The following DDX31 variants were observed in gnomAD, a reference collection of about 807,000 sequenced individuals.
DDX31 encodes DEAD-box helicase 31, also known as ATP-dependent DNA helicase DDX31.
A neutral mutation model predicts 91.3 loss-of-function variants in DDX31; 70 were observed. The ratio of observed to expected loss-of-function variants is 0.77; its 90% CI spans 0.63 to 0.94. The LOEUF (loss-of-function observed/expected upper bound fraction) is 0.94, where lower values mean the gene tolerates loss of function less well. Ranked by LOEUF, DDX31 falls within the 40% of genes least tolerant of loss-of-function variation. The probability of loss-of-function intolerance (pLI) is 0.00; values close to 1 mark genes in which losing one functional copy is unlikely to be tolerated. For synonymous variants in DDX31, 362 were observed against 350.6 expected (o/e 1.03, Z -0.36); for missense variants, 902 against 925.0 (o/e 0.98, Z 0.32).
At chr9:132,661,388 C>G in intron 3 of DDX31, 137 bp from the exon 4 acceptor site, 1 of 771,632 alleles carries the variant, frequency 1.3e-6, no homozygotes, top group Non-Finnish European at 2.0e-6. Context: ...AGGTGGTGCT[C>G]TCTACTTGGG....
At chr9:132,632,473 T>C (rs1026649283) in intron 14 of DDX31, among the ~76,000 whole-genome samples, 1 of 152,148 alleles carries the variant, frequency 6.6e-6, no homozygotes, top group Non-Finnish European at 1.5e-5. Flanking sequence ...AGTTGTGTAA[T>C]GTAAAGAACT....
intron 6 of DDX31, among the ~76,000 whole-genome samples, chr9:132,652,762 C>G (rs972436429): frequency 6.6e-6 from 1 of 152,096 alleles, no homozygotes; most frequent in Admixed American, 6.5e-5. Context: ...CGGTTATTCT[C>G]GTGATAATGA....
chr9:132,647,185 C>CAAGTCCCAGCACT, intron 11 of DDX31, 127 bp from the exon 12 acceptor site: 1 of 808,552 alleles, frequency 1.2e-6, no homozygotes, highest in South Asian at 1.6e-5. Flanking sequence ...TGGGTATCAC[C>CAAGTCCCAGCACT]AAGTCCCAGC....
At chr9:132,630,904 GGAGCA>G (rs1832677900) in intron 15 of DDX31, among the ~76,000 whole-genome samples, 2 of 152,196 alleles carry the variant, frequency 1.3e-5, no homozygotes, top group South Asian at 4.1e-4. Flanking sequence ...CAGGCCACCA[GGAGCA>G]GGCCCCAGGA....
chr9:132,643,541 A>G (rs1833631980), intron 13 of DDX31, among the ~76,000 whole-genome samples: 1 of 152,200 alleles, frequency 6.6e-6, no homozygotes, highest in Admixed American at 6.5e-5. Flanking sequence ...ACAAACATTC[A>G]TCGAGTGCCC....
At chr9:132,633,334 G>A (rs796250775) in intron 14 of DDX31, among the ~76,000 whole-genome samples, 7 of 152,068 alleles carry the variant, frequency 4.6e-5, no homozygotes, top group Non-Finnish European at 1.0e-4. Context: ...ATTTGCTCTT[G>A]ACCCAGAGCA....
chr9:132,632,243 C>CGT (rs1832797876), intron 14 of DDX31, 152 bp from the exon 15 acceptor site: 1 of 209,822 alleles, frequency 4.8e-6, no homozygotes, highest in African/African-American at 9.8e-5. Context: ...AGTACGTGTA[C>CGT]ACACACACAC....
rs566254097 is a variant in DDX31 at position 132,610,563 on chromosome 9, T to C, written c.1994+1524A>G. On this transcript the variant is annotated intron_variant, in intron 19 of 19. Transcript: ENST00000372159. ...TCAAGTTGGATGTCCCCGAATCTGC[T>C]TTTTAGCTTGTAAGAACCTTCATCT... is the stretch of plus-strand genomic sequence containing the variant. Among the ~76,000 whole-genome samples, 19 of 152,252 alleles carry C rather than the reference T, an allele frequency of 1.2e-4. 1 individual carries two copies. The East Asian group carries it at 2.3e-3, about 19-fold the overall frequency.
At chr9:132,638,369 A>C (rs1162897474) in intron 14 of DDX31, 1 of 1,614,194 alleles carries the variant, frequency 6.2e-7, no homozygotes. Context: ...CTTCACTGTA[A>C]GTAGGAGGAA....
At chr9:132,634,585 G>GT (rs59296842) in intron 14 of DDX31, among the ~76,000 whole-genome samples, 6,265 of 102,982 alleles carry the variant, frequency 0.061, 211 homozygotes, top group East Asian at 0.12. Context: ...TACCTAAGAT[G>GT]TTTTTTTTTT....
chr9:132,628,182 C>T (rs1381588386), intron 16 of DDX31, among the ~76,000 whole-genome samples: 1 of 152,178 alleles, frequency 6.6e-6, no homozygotes, highest in African/African-American at 2.4e-5. Flanking sequence ...TTACAGTGCA[C>T]CCACGAGGCA....
At chr9:132,601,514 AG>A (rs1333001589) in intron 19 of DDX31, among the ~76,000 whole-genome samples, 2 of 152,204 alleles carry the variant, frequency 1.3e-5, no homozygotes, top group East Asian at 3.9e-4. Flanking sequence ...CATGGGGGCC[AG>A]TGCCTGGCCA....
chr9:132,618,560 G>T, intron 17 of DDX31, 119 bp from the exon 18 acceptor site: 1 of 723,824 alleles, frequency 1.4e-6, no homozygotes, highest in Non-Finnish European at 2.2e-6. Context: ...GCCAACAAGG[G>T]TAATCCTTTC....
At chr9:132,603,726 T>C (rs139079397) in intron 19 of DDX31, among the ~76,000 whole-genome samples, 27 of 152,336 alleles carry the variant, frequency 1.8e-4, no homozygotes, top group East Asian at 7.7e-4. Context: ...CAGCAGTGAA[T>C]GTGCCCGTCT....
At chr9:132,669,429 T>TTG (rs1835563547) in intron 1 of DDX31, 1 of 453,516 alleles carries the variant, frequency 2.2e-6, no homozygotes, top group African/African-American at 2.1e-5. Context: ...AATTTATGGT[T>TTG]TGTAGGGCAT....
At chr9:132,666,785 C>A (rs1355164929) in intron 1 of DDX31, among the ~76,000 whole-genome samples, 2 of 151,948 alleles carry the variant, frequency 1.3e-5, no homozygotes, top group Admixed American at 6.6e-5. Context: ...CGGCTCACTG[C>A]AAGCTCCGCC....
chr9:132,635,067 T>C (rs566946477), intron 14 of DDX31, among the ~76,000 whole-genome samples: 1 of 152,336 alleles, frequency 6.6e-6, no homozygotes, highest in South Asian at 2.1e-4. Flanking sequence ...TTTGTCTAAC[T>C]GCTTCCTCAT....
At chr9:132,655,107 C>T (rs566599185) in intron 6 of DDX31, among the ~76,000 whole-genome samples, 1 of 152,224 alleles carries the variant, frequency 6.6e-6, no homozygotes, top group East Asian at 1.9e-4. Flanking sequence ...AATGCACATT[C>T]CACTTACAGA....
chr9:132,602,405 A>C (rs1830766554), intron 19 of DDX31, among the ~76,000 whole-genome samples: 1 of 152,196 alleles, frequency 6.6e-6, no homozygotes, highest in Non-Finnish European at 1.5e-5. Flanking sequence ...TGTTTATCAA[A>C]CACCCACTCT....
Sources: gnomAD v4.1 joint callset for allele counts (sites outside exome capture counted in the v4.1 genomes callset) on GRCh38, gnomAD v4.1.1 for gene constraint, MANE v1.5 for transcripts, NCBI Gene and HGNC (gene_info 2026-07-23, HGNC 2026-07-21) for gene names.